The following KANSL1 variants were observed in gnomAD, a reference collection of about 807,000 sequenced individuals.
The protein encoded by KANSL1 is MLL1/MLL complex subunit KANSL1.
A neutral mutation model predicts 103.6 loss-of-function variants in KANSL1; 22 were observed. The observed-to-expected ratio is 0.21, with a 90% confidence interval of 0.15 to 0.30. The LOEUF is 0.30. Among genes scored for constraint, KANSL1 ranks in the 10% least tolerant of loss-of-function variants. The pLI, the probability that KANSL1 is intolerant of heterozygous loss-of-function variation, is 1.00. For synonymous variants in KANSL1, 600 were observed against 527.6 expected (o/e 1.14, Z -1.88); for missense variants, 1,337 against 1,399.8 (o/e 0.96, Z 0.72).
chr17:46,038,610 C>A lies in KANSL1; in HGVS notation c.2469G>T (p.Val823=). ...ATHHPPHSPL[V]RQLSTSSDSP... is the part of the protein sequence containing the mutation. ...AATCTGAGGAGGTGGAGAGCTGTCG[C>A]ACCAAGGGACTGTGTGGAGGATGGT... Residue 823 remains valine (V), a synonymous_variant, in exon 10 of 15, where the codon GTG becomes GTT. Transcript: ENST00000432791. 6.2e-7 allele frequency: 1 copy of A among 1,614,118 alleles called. No homozygotes were observed. The highest frequency in any genetic ancestry group is 1.1e-5 in the South Asian group (1 of 91,082).
At chr17:46,080,971 A>C (rs565832043) in intron 4 of KANSL1, among the ~76,000 whole-genome samples, 40 of 152,200 alleles carry the variant, frequency 2.6e-4, no homozygotes, top group Non-Finnish European at 4.8e-4. Flanking sequence ...AATTTAATAC[A>C]CACACAGGAA....
At chr17:46,078,014 A>C (rs549856954) in intron 4 of KANSL1, among the ~76,000 whole-genome samples, 4 of 152,286 alleles carry the variant, frequency 2.6e-5, no homozygotes, top group African/African-American at 9.6e-5. Context: ...TTATATACAG[A>C]CAATGTATGC....
At chr17:46,155,468 T>C (rs1246263507) in intron 2 of KANSL1, among the ~76,000 whole-genome samples, 1 of 152,190 alleles carries the variant, frequency 6.6e-6, no homozygotes, top group East Asian at 1.9e-4. Context: ...TTGGGGATTA[T>C]TTTGACCTTA....
At chr17:46,102,816 T>G (rs2042377931) in intron 2 of KANSL1, among the ~76,000 whole-genome samples, 1 of 152,220 alleles carries the variant, frequency 6.6e-6, no homozygotes, top group African/African-American at 2.4e-5. Flanking sequence ...GTGGCTAAAG[T>G]TTACAATTTA....
chr17:46,088,873 A>G (rs1364568460), intron 3 of KANSL1, among the ~76,000 whole-genome samples: 2 of 152,220 alleles, frequency 1.3e-5, no homozygotes, highest in African/African-American at 4.8e-5. Context: ...TGGGCAACAG[A>G]GCAAGACCCT....
intron 13 of KANSL1, 152 bp downstream of exon 13, chr17:46,032,928 C>T: frequency 1.6e-6 from 1 of 625,560 alleles, no homozygotes; most frequent in Non-Finnish European, 2.8e-6. Flanking sequence ...TTCCAACAAA[C>T]ACCAAGGAAA....
intron 2 of KANSL1, chr17:46,148,011 A>G (rs2147450258): frequency 1.3e-5 from 2 of 152,338 alleles, no homozygotes; most frequent in East Asian, 3.9e-4. Flanking sequence ...CCAATGGTAA[A>G]ACAGAGGAGG....
At chr17:46,183,159 G>A (rs1206776772) in intron 1 of KANSL1, among the ~76,000 whole-genome samples, 1 of 152,214 alleles carries the variant, frequency 6.6e-6, no homozygotes, top group African/African-American at 2.4e-5. Context: ...TGGGTGCAGT[G>A]GCAGGCGCCT....
intron 3 of KANSL1, chr17:46,088,762 G>A (rs2079262728): frequency 6.6e-6 from 1 of 152,280 alleles, no homozygotes; most frequent in Non-Finnish European, 1.5e-5. Flanking sequence ...ACTTGCCTAT[G>A]GTCCCAGCTA....
intron 2 of KANSL1, among the ~76,000 whole-genome samples, chr17:46,168,384 G>C (rs866990674): frequency 3.0e-4 from 45 of 150,150 alleles, no homozygotes; most frequent in African/African-American, 1.1e-3. Context: ...AGTTTCGCTC[G>C]TTGCCTAGGC....
At chr17:46,168,286 G>A (rs952715905) in intron 2 of KANSL1, among the ~76,000 whole-genome samples, 2 of 152,156 alleles carry the variant, frequency 1.3e-5, no homozygotes, top group Non-Finnish European at 2.9e-5. Context: ...GAGTCAACCC[G>A]GTGATCTTGC....
chr17:46,101,901 T>C (rs2147020975), intron 2 of KANSL1, among the ~76,000 whole-genome samples: 1 of 152,052 alleles, frequency 6.6e-6, no homozygotes, highest in South Asian at 2.1e-4. Context: ...GAAACAAGTG[T>C]TTTCAGTTAG....
At chr17:46,157,426 A>C (rs1000795791) in intron 2 of KANSL1, among the ~76,000 whole-genome samples, 4 of 152,258 alleles carry the variant, frequency 2.6e-5, no homozygotes, top group African/African-American at 9.6e-5. Context: ...AAGCTTAAAT[A>C]ATCTAACATT....
At chr17:46,122,125 A>C (rs2043307477) in intron 2 of KANSL1, among the ~76,000 whole-genome samples, 1 of 152,258 alleles carries the variant, frequency 6.6e-6, no homozygotes, top group Admixed American at 6.5e-5. Context: ...TAAAGGTGAC[A>C]TACAGGTGCT....
At chr17:46,207,940 G>A (rs1447247098) in intron 1 of KANSL1, among the ~76,000 whole-genome samples, 3 of 152,036 alleles carry the variant, frequency 2.0e-5, no homozygotes, top group East Asian at 3.9e-4. Flanking sequence ...GTGAAACCCC[G>A]TCTCTACTAA....
chr17:46,118,152 CT>C (rs1280541958), intron 2 of KANSL1, among the ~76,000 whole-genome samples: 1 of 152,158 alleles, frequency 6.6e-6, no homozygotes, highest in Non-Finnish European at 1.5e-5. Flanking sequence ...TGTTTTTAAA[CT>C]CTTAGATAAA....
At chr17:46,110,622 G>C (rs1033573562) in intron 2 of KANSL1, among the ~76,000 whole-genome samples, 1 of 152,190 alleles carries the variant, frequency 6.6e-6, no homozygotes, top group Non-Finnish European at 1.5e-5. Flanking sequence ...GTGGAGGAAG[G>C]GGGGAGATGA....
At chr17:46,084,697 T>TAAAAAAAAAAAAAAAAAAAA (rs67108405) in intron 3 of KANSL1, among the ~76,000 whole-genome samples, 3 of 74,488 alleles carry the variant, frequency 4.0e-5, no homozygotes, top group African/African-American at 1.7e-4. Context: ...TTTTAAAAAT[T>TAAAAAAAAAAAAAAAAAAAA]AAAAAAAAAA....
intron 3 of KANSL1, among the ~76,000 whole-genome samples, chr17:46,091,942 G>T (rs1324461822): frequency 1.3e-5 from 2 of 150,426 alleles, no homozygotes; most frequent in Non-Finnish European, 3.0e-5. Flanking sequence ...TCAGCCTCCC[G>T]AGTAGCTGGG....
Sources: gnomAD v4.1 joint callset for allele counts (sites outside exome capture counted in the v4.1 genomes callset) on GRCh38, gnomAD v4.1.1 for gene constraint, MANE v1.5 for transcripts, NCBI Gene and HGNC (gene_info 2026-07-23, HGNC 2026-07-21) for gene names.